The following TXNRD1 variants were observed in gnomAD, a reference collection of about 807,000 sequenced individuals.
TXNRD1 encodes the protein thioredoxin reductase 1, cytoplasmic.
Under a neutral mutation model 80.3 loss-of-function variants are expected in TXNRD1, and 57 were observed. The observed-to-expected ratio is 0.71, with a 90% CI of 0.57 to 0.89. TXNRD1 has a LOEUF of 0.89. Among genes scored for constraint, TXNRD1 ranks in the 40% least tolerant of loss-of-function variants. The probability of loss-of-function intolerance (pLI) is 0.00; values close to 1 mark genes in which losing one functional copy is unlikely to be tolerated. For synonymous variants in TXNRD1, 291 were observed against 285.2 expected, an observed-to-expected ratio of 1.02 and a Z score of -0.20; for missense variants, 730 against 803.0, an observed-to-expected ratio of 0.91 and a Z score of 1.10.
At chr12:104,316,325 A>G (rs981499059) in intron 7 of TXNRD1, among the ~76,000 whole-genome samples, 3 of 152,054 alleles carry the variant, frequency 2.0e-5, no homozygotes, top group Non-Finnish European at 2.9e-5. Context: ...TGTTGGATTA[A>G]AACTATTTAG....
chr12:104,346,585 T>C (rs1193886004), intron 16 of TXNRD1, among the ~76,000 whole-genome samples: 3 of 152,228 alleles, frequency 2.0e-5, no homozygotes, highest in African/African-American at 7.2e-5. Context: ...ATGTTTGAAT[T>C]GCCCTTAATA....
At chr12:104,346,555 A>G (rs375889250) in intron 16 of TXNRD1, among the ~76,000 whole-genome samples, 12 of 152,252 alleles carry the variant, frequency 7.9e-5, no homozygotes, top group African/African-American at 2.2e-4. Flanking sequence ...TTTCCTCATT[A>G]TAAAAATGGA....
At position 104,295,627 on chromosome 12, in the gene TXNRD1, C is replaced by T. The variant is rs1462321850; in HGVS notation, c.414+6587C>T. 2.6e-5 allele frequency among the ~76,000 whole-genome samples: 4 copies of T among 152,300 alleles called. No homozygotes were observed. In the East Asian group the frequency reaches 5.8e-4, roughly 22 times the overall value. On this transcript the variant is annotated intron_variant, in intron 4 of 16. Coordinates refer to ENST00000525566, the MANE Select transcript of TXNRD1 (RefSeq NM_001093771.3). ...TATTTCTCCCTACAGTTTTCCTCCT[C>T]ACTTCTATTCTTTATTTCAACACCT...
At chr12:104,348,287 G>T in intron 16 of TXNRD1, 66 bp from the exon 17 acceptor site, 1 of 1,500,780 alleles carries the variant, frequency 6.7e-7, no homozygotes, top group Non-Finnish European at 9.3e-7. Context: ...GGCATTATCT[G>T]AACTGTTCCC....
chr12:104,266,240 G>A (rs1447317933), intron 3 of TXNRD1, among the ~76,000 whole-genome samples: 1 of 152,104 alleles, frequency 6.6e-6, no homozygotes, highest in African/African-American at 2.4e-5. Context: ...AATAATACTA[G>A]GAAGAGCCCC....
chr12:104,348,428 G>A lies in TXNRD1; in HGVS notation c.*7G>A, dbSNP rs202183014. ...GGCTGGCTGCTGAGGTTAAGCCCCAGTGTGGATGCTGTTGCCAAGACTGCA... is the reference window on the plus strand; with the variant it reads ...GGCTGGCTGCTGAGGTTAAGCCCCAATGTGGATGCTGTTGCCAAGACTGCA... On this transcript the variant is annotated 3_prime_UTR_variant, in exon 17 of 17. Coordinates refer to ENST00000525566, the MANE Select transcript of TXNRD1 (RefSeq NM_001093771.3). The A allele has an allele frequency of 1.3e-5, 21 of 1,613,846 alleles. No homozygotes were observed. The highest frequency in any genetic ancestry group is 5.5e-5 in the South Asian group (5 of 91,092).
At chr12:104,294,023 A>G (rs1163982655) in intron 4 of TXNRD1, among the ~76,000 whole-genome samples, 1 of 152,186 alleles carries the variant, frequency 6.6e-6, no homozygotes, top group Non-Finnish European at 1.5e-5. Flanking sequence ...AGGGACTATT[A>G]GTATTTTCAC....
rs150629698 is a variant in TXNRD1 at position 104,326,151 on chromosome 12, T to C, written c.1309-196T>C. ...CAGAAGTGGAAAATAATTTCTACTA[T>C]ATCATATATGTTCAAAGGATTTTTT... is the stretch of plus-strand genomic sequence containing the variant. On this transcript the variant is annotated intron_variant, in intron 11 of 16. Transcript: ENST00000525566. Among the ~76,000 whole-genome samples, 16 of 152,354 alleles carry C rather than the reference T, an allele frequency of 1.1e-4. No individual in the cohort carries two copies. The East Asian group carries it at 3.1e-3, about 29-fold the overall frequency.
intron 4 of TXNRD1, among the ~76,000 whole-genome samples, chr12:104,310,298 C>T (rs1476355132): frequency 6.6e-6 from 1 of 152,016 alleles, no homozygotes; most frequent in Non-Finnish European, 1.5e-5. Flanking sequence ...TACAGGCACC[C>T]GCCACTACAC....
At chr12:104,249,806 G>C (rs752401947) in intron 1 of TXNRD1, among the ~76,000 whole-genome samples, 2 of 151,778 alleles carry the variant, frequency 1.3e-5, no homozygotes, top group Admixed American at 6.6e-5. Context: ...GTGGTGGCAG[G>C]CGCCTGTAGT....
chr12:104,288,869 T>A (rs750609920), intron 3 of TXNRD1, 62 bp from the exon 4 acceptor site: 1 of 1,613,048 alleles, frequency 6.2e-7, no homozygotes, highest in Admixed American at 1.7e-5. Flanking sequence ...CCCGGCGCAG[T>A]TCCCGCCTGT....
chr12:104,247,259 G>C (rs1043615665), intron 1 of TXNRD1, among the ~76,000 whole-genome samples: 3 of 151,954 alleles, frequency 2.0e-5, no homozygotes, highest in Non-Finnish European at 2.9e-5. Context: ...ATTGTGACAG[G>C]GTTTCACCAT....
At chr12:104,294,869 A>G (rs979542125) in intron 4 of TXNRD1, among the ~76,000 whole-genome samples, 14 of 152,230 alleles carry the variant, frequency 9.2e-5, no homozygotes, top group African/African-American at 2.7e-4. Flanking sequence ...CTCTCCAACC[A>G]TCCCCTTTCT....
At position 104,319,575 on chromosome 12, in the gene TXNRD1, T is replaced by C; in HGVS notation, c.979T>C (p.Cys327Arg). 1 of 1,597,932 alleles carries C rather than the reference T, an allele frequency of 6.3e-7. No individual in the cohort carries two copies. Among genetic ancestry groups the C allele is most frequent in the Non-Finnish European group, 8.5e-7 (1 of 1,171,624 alleles). The change falls in exon 9 of 17, where the codon TGC becomes CGC. Residue 327 changes from cysteine (C) to arginine (R), a missense_variant. Physicochemically the swap from Cys to Arg is radical, Grantham distance 180. Coordinates refer to ENST00000525566, the MANE Select transcript of TXNRD1 (RefSeq NM_001093771.3). ...YLGIPGDKEY[C>R]ISSDDLFSLP... ...GGGCATCCCTGGTGACAAAGAATAC[T>C]GCATCAGCAGGTAAAGGAAAAAAGC...
At chr12:104,323,525 G>C (rs1403258412) in intron 10 of TXNRD1, among the ~76,000 whole-genome samples, 2 of 142,234 alleles carry the variant, frequency 1.4e-5, no homozygotes, top group Non-Finnish European at 3.1e-5. Context: ...CTGGCCGGGC[G>C]GGGGGCTGAC....
At chr12:104,295,248 C>T (rs546412223) in intron 4 of TXNRD1, among the ~76,000 whole-genome samples, 6 of 152,242 alleles carry the variant, frequency 3.9e-5, no homozygotes, top group Non-Finnish European at 7.3e-5. Context: ...TTAATAGTAG[C>T]GTCAAAATTC....
chr12:104,305,153 T>G (rs2034848406), intron 4 of TXNRD1: 1 of 463,460 alleles, frequency 2.2e-6, no homozygotes, highest in Non-Finnish European at 3.8e-6. Context: ...TATGGGAACG[T>G]TTTATTGAAT....
intron 3 of TXNRD1, among the ~76,000 whole-genome samples, chr12:104,287,679 A>G (rs1324803343): frequency 6.6e-6 from 1 of 152,148 alleles, no homozygotes; most frequent in Non-Finnish European, 1.5e-5. Flanking sequence ...GACACAGACT[A>G]TTAAATGGGG....
intron 3 of TXNRD1, 29 bp from the exon 4 acceptor site, chr12:104,288,902 A>G (rs1325562972): frequency 6.2e-7 from 1 of 1,613,860 alleles, no homozygotes; most frequent in South Asian, 1.1e-5. Context: ...AGCACCTTAC[A>G]CGCTCCGCTC....
Sources: gnomAD v4.1 joint callset for allele counts (sites outside exome capture counted in the v4.1 genomes callset) on GRCh38, gnomAD v4.1.1 for gene constraint, MANE v1.5 for transcripts, NCBI Gene and HGNC (gene_info 2026-07-23, HGNC 2026-07-21) for gene names.